ADD3: variants seen among roughly 807,000 people sequenced by gnomAD.
The protein encoded by ADD3 is gamma-adducin.
ADD3 carries 25 observed loss-of-function variants against 80.2 expected under a neutral mutation model. That is an observed-to-expected ratio of 0.31 (90% confidence interval 0.23 to 0.44). The LOEUF is 0.44. Among genes scored for constraint, ADD3 ranks in the 20% least tolerant of loss-of-function variants. The pLI is 1.00. For synonymous variants in ADD3, 284 were observed against 289.6 expected, an observed-to-expected ratio of 0.98 and a Z score of 0.20; for missense variants, 829 against 847.5, an observed-to-expected ratio of 0.98 and a Z score of 0.27.
intron 1 of ADD3, among the ~76,000 whole-genome samples, chr10:110,055,015 C>T (rs1356838633): frequency 6.6e-6 from 1 of 152,164 alleles, no homozygotes; most frequent in Non-Finnish European, 1.5e-5. Flanking sequence ...CCTTCCTCTG[C>T]CTCCCAAAGT....
chr10:110,052,638 T>C (rs1271861134), intron 1 of ADD3, among the ~76,000 whole-genome samples: 1 of 152,214 alleles, frequency 6.6e-6, no homozygotes, highest in African/African-American at 2.4e-5. Flanking sequence ...AATAAATGTT[T>C]AGGGTAAAAC....
At chr10:110,080,964 A>C (rs908043741) in intron 1 of ADD3, among the ~76,000 whole-genome samples, 2 of 152,204 alleles carry the variant, frequency 1.3e-5, no homozygotes, top group Non-Finnish European at 2.9e-5. Flanking sequence ...ATTGGGTAGC[A>C]TTACCTGTTT....
intron 1 of ADD3, among the ~76,000 whole-genome samples, chr10:110,047,456 G>T (rs904450966): frequency 3.9e-5 from 6 of 152,164 alleles, no homozygotes; most frequent in African/African-American, 1.4e-4. Context: ...AAAATCAGGT[G>T]CTAGCATTCT....
At position 110,118,670 on chromosome 10, in the gene ADD3, T is replaced by C. The variant is rs1217856875; in HGVS notation, c.651T>C (p.Ala217=). The part of the protein sequence containing the change: ...KIDHTGFSPH[A]AIYSTRPDVK... ...ACCATACAGGATTCAGTCCCCATGC[T>C]GCAATCTATTCAACACGTCCTGATG... The change falls in exon 6 of 15, where the codon GCT becomes GCC. Residue 217 remains alanine, a synonymous_variant. Coordinates refer to ENST00000356080, the MANE Select transcript of ADD3 (RefSeq NM_016824.5). The C allele has an allele frequency of 3.1e-6, 5 of 1,614,008 alleles. No individual in the cohort carries two copies. Among genetic ancestry groups the C allele is most frequent in the Non-Finnish European group, 4.2e-6 (5 of 1,179,848 alleles).
At chr10:110,117,822 T>A (rs1167152020) in intron 5 of ADD3, among the ~76,000 whole-genome samples, 4 of 152,064 alleles carry the variant, frequency 2.6e-5, no homozygotes, top group Non-Finnish European at 5.9e-5. Flanking sequence ...AAGACCAGCC[T>A]GACCAACATG....
intron 1 of ADD3, among the ~76,000 whole-genome samples, chr10:110,064,869 G>A (rs965188954): frequency 1.3e-5 from 2 of 151,814 alleles, no homozygotes; most frequent in African/African-American, 2.4e-5. Context: ...CCCAGCCTGG[G>A]CAACATGGCA....
At chr10:110,015,599 C>T (rs1316947977) in intron 1 of ADD3, among the ~76,000 whole-genome samples, 2 of 152,022 alleles carry the variant, frequency 1.3e-5, no homozygotes, top group East Asian at 3.9e-4. Flanking sequence ...TGGTCTCGAT[C>T]TCCTGACCTC....
intron 8 of ADD3, 74 bp from the exon 9 acceptor site, chr10:110,122,036 G>A: frequency 7.6e-7 from 1 of 1,324,202 alleles, no homozygotes; most frequent in Non-Finnish European, 1.0e-6. Flanking sequence ...TTGAAATTGT[G>A]CCTTTTTGAA....
intron 4 of ADD3, among the ~76,000 whole-genome samples, chr10:110,117,109 A>C (rs1159908664): frequency 6.6e-6 from 1 of 152,200 alleles, no homozygotes; most frequent in African/African-American, 2.4e-5. Context: ...TTAGAGCCCC[A>C]AAATAACACT....
chr10:110,093,360 C>T (rs1302069846), intron 1 of ADD3, among the ~76,000 whole-genome samples: 1 of 152,166 alleles, frequency 6.6e-6, no homozygotes, highest in Non-Finnish European at 1.5e-5. Flanking sequence ...TGTCTTAACT[C>T]TTTAGGTCCC....
intron 1 of ADD3, among the ~76,000 whole-genome samples, chr10:110,012,974 TA>T (rs1196151200): frequency 1.3e-5 from 2 of 152,164 alleles, no homozygotes; most frequent in African/African-American, 4.8e-5. Flanking sequence ...CACCATATGT[TA>T]TGTTTACTTT....
intron 2 of ADD3, among the ~76,000 whole-genome samples, chr10:110,105,326 C>T (rs984078800): frequency 3.3e-5 from 5 of 152,000 alleles, no homozygotes; most frequent in African/African-American, 7.2e-5. Context: ...TTTCTCAAAA[C>T]GAAGTGTTCA....
Position 110,132,109 on chromosome 10 carries a change from A to G in ADD3, c.1733-196A>G, listed in dbSNP as rs186356985. ...GTACGTAAAATAACCATTAGCAGCCAGAAATGTTAACACATTAACCTCCTC... is the reference window on the plus strand; with the variant it reads ...GTACGTAAAATAACCATTAGCAGCCGGAAATGTTAACACATTAACCTCCTC... On this transcript the variant is annotated intron_variant, in intron 13 of 14. Transcript: ENST00000356080. Among the ~76,000 whole-genome samples, 91 of 152,382 alleles carry G rather than the reference A, an allele frequency of 6.0e-4. 1 individual carries two copies. The highest frequency in any genetic ancestry group is 2.1e-3 in the African/African-American group (86 of 41,590).
intron 1 of ADD3, among the ~76,000 whole-genome samples, chr10:110,065,779 A>G (rs1429557738): frequency 2.0e-5 from 3 of 151,352 alleles, no homozygotes; most frequent in Non-Finnish European, 4.4e-5. Flanking sequence ...ACCTTAAATG[A>G]TCCACCTGCC....
intron 7 of ADD3, 27 bp downstream of exon 7, chr10:110,119,381 C>T (rs773847777): frequency 1.2e-6 from 2 of 1,613,034 alleles, no homozygotes; most frequent in South Asian, 1.1e-5. Context: ...GTCTAAGGAG[C>T]TATTTTTGTT....
chr10:110,074,639 T>C (rs1845175470), intron 1 of ADD3, among the ~76,000 whole-genome samples: 2 of 152,200 alleles, frequency 1.3e-5, no homozygotes, highest in African/African-American at 4.8e-5. Flanking sequence ...TTTAAAATGC[T>C]ATCTTTCTCT....
intron 1 of ADD3, among the ~76,000 whole-genome samples, chr10:110,025,577 A>G (rs1854190367): frequency 5.2e-5 from 1 of 19,148 alleles, no homozygotes; most frequent in Admixed American, 8.8e-4. Context: ...GGAGAAGCAA[A>G]TAGAAATAGA....
At chr10:110,007,742 G>A (rs1481442592), upstream of ADD3, among the ~76,000 whole-genome samples, 1 of 151,878 alleles carries the variant, frequency 6.6e-6, no homozygotes. Context: ...CTGCGGGGGC[G>A]GGACCAGGAC....
At chr10:110,031,639 C>T (rs927369280) in intron 1 of ADD3, among the ~76,000 whole-genome samples, 1 of 151,800 alleles carries the variant, frequency 6.6e-6, no homozygotes, top group African/African-American at 2.4e-5. Flanking sequence ...TACTTAGGAT[C>T]CTTAAGTTGT....
Sources: allele counts gnomAD v4.1 joint callset (sites outside exome capture counted in the v4.1 genomes callset), GRCh38; gene constraint gnomAD v4.1.1; transcripts MANE v1.5; gene names NCBI Gene and HGNC (gene_info 2026-07-23, HGNC 2026-07-21).